LIN7A: variants seen among roughly 807,000 people sequenced by gnomAD.
LIN7A encodes the protein protein lin-7 homolog A.
A neutral mutation model predicts 29.8 loss-of-function variants in LIN7A; 25 were observed. The ratio of observed to expected loss-of-function variants is 0.84; its 90% CI spans 0.61 to 1.17. LIN7A has a LOEUF of 1.17. Among genes scored for constraint, LIN7A ranks in the 50% most tolerant of loss-of-function variants. LIN7A has a pLI of 0.00. For missense variants in LIN7A, 239 were observed against 287.0 expected (o/e 0.83, Z 1.21); for synonymous variants, 118 against 107.5 (o/e 1.10, Z -0.60).
chr12:80,865,848 T>C (rs2120450250), intron 2 of LIN7A, among the ~76,000 whole-genome samples: 1 of 152,318 alleles, frequency 6.6e-6, no homozygotes, highest in African/African-American at 2.4e-5. Flanking sequence ...AGTCAAAGAA[T>C]TGTTACCAGG....
intron 1 of LIN7A, chr12:80,937,315 A>G (rs1026607164): frequency 7.4e-6 from 2 of 270,402 alleles, no homozygotes; most frequent in East Asian, 6.5e-5. Flanking sequence ...CCTGGCGCCT[A>G]TAGCCGTCCC....
At chr12:80,912,012 C>CTAT (rs1565926146) in intron 1 of LIN7A, among the ~76,000 whole-genome samples, 2 of 151,686 alleles carry the variant, frequency 1.3e-5, no homozygotes, top group African/African-American at 4.8e-5. Context: ...ATTTATTTCT[C>CTAT]TATTAACAGA....
chr12:80,804,933 A>G (rs1001794178), intron 5 of LIN7A, among the ~76,000 whole-genome samples: 4 of 150,152 alleles, frequency 2.7e-5, no homozygotes, highest in African/African-American at 1.0e-4. Flanking sequence ...TCATCTGTTG[A>G]TGGACACTTA....
intron 4 of LIN7A, among the ~76,000 whole-genome samples, chr12:80,816,446 A>G: frequency 6.6e-6 from 1 of 151,244 alleles, no homozygotes. Context: ...ACTCACACAC[A>G]CACACTATTA....
chr12:80,822,718 C>A (rs1034971093), intron 4 of LIN7A, among the ~76,000 whole-genome samples: 1 of 152,076 alleles, frequency 6.6e-6, no homozygotes, highest in African/African-American at 2.4e-5. Flanking sequence ...GAAGGAAAGC[C>A]GAGGGGGCCT....
rs1266313429 is a variant in LIN7A at position 80,794,085 on chromosome 12, C to G, written c.*3642G>C. Reference sequence around the variant, plus strand: ...TTTTATATAGACTCAAAATATGGTTCTAACCATGAAACTTAGAAATCATAG... The same window carrying G: ...TTTTATATAGACTCAAAATATGGTTGTAACCATGAAACTTAGAAATCATAG... On this transcript the variant is annotated 3_prime_UTR_variant, in exon 6 of 6. Coordinates refer to ENST00000552864, the MANE Select transcript of LIN7A (RefSeq NM_004664.4). 6.6e-6 allele frequency: 1 copy of G among 152,114 alleles called. No homozygotes were observed. Among genetic ancestry groups the G allele is most frequent in the Non-Finnish European group, 1.5e-5 (1 of 68,006 alleles). 9.4% of individuals were successfully genotyped at this position (152,114 alleles called of 1,614,324 possible).
chr12:80,794,749 T>G lies in LIN7A; in HGVS notation c.*2978A>C, dbSNP rs753398417. On this transcript the variant is annotated 3_prime_UTR_variant, in exon 6 of 6. Transcript: ENST00000552864. ...ACTGGAGAATTCCCTATTGACTACATGATTGAGGAAACACAAAAGTCTGTT... is the reference window on the plus strand; with the variant it reads ...ACTGGAGAATTCCCTATTGACTACAGGATTGAGGAAACACAAAAGTCTGTT... The G allele has an allele frequency of 1.3e-5, 2 of 152,172 alleles. No homozygotes were observed. The highest frequency in any genetic ancestry group is 1.3e-4 in the Admixed American group (2 of 15,268). The allele number at this position is 152,172 out of a possible 1,614,324, so 9.4% of individuals were successfully genotyped here. A position where few individuals can be genotyped will look rare whatever the true frequency, so the allele number is the denominator to read the frequency against.
intron 1 of LIN7A, among the ~76,000 whole-genome samples, chr12:80,933,555 A>G (rs1878035456): frequency 6.6e-6 from 1 of 152,212 alleles, no homozygotes; most frequent in African/African-American, 2.4e-5. Flanking sequence ...TCTTCAGAGC[A>G]CTTCAAATTT....
chr12:80,895,245 C>G (rs1038059065), intron 1 of LIN7A, among the ~76,000 whole-genome samples: 16 of 151,998 alleles, frequency 1.1e-4, no homozygotes, highest in African/African-American at 3.9e-4. Flanking sequence ...CAAAAGACTT[C>G]CTTCAAAATA....
At chr12:80,850,911 T>G (rs1164378281) in intron 2 of LIN7A, among the ~76,000 whole-genome samples, 1 of 152,134 alleles carries the variant, frequency 6.6e-6, no homozygotes, top group East Asian at 1.9e-4. Context: ...TTTATATCCA[T>G]GAGCTCGGTT....
intron 4 of LIN7A, chr12:80,845,524 T>C (rs1357790465): frequency 4.6e-6 from 2 of 437,310 alleles, no homozygotes; most frequent in Non-Finnish European, 4.0e-6. Context: ...AACTCACTGA[T>C]ATTTATCATA....
intron 1 of LIN7A, among the ~76,000 whole-genome samples, chr12:80,899,483 T>C (rs1488209950): frequency 6.6e-6 from 1 of 152,186 alleles, no homozygotes; most frequent in African/African-American, 2.4e-5. Context: ...GGTATCAGAA[T>C]GATGCTGGCC....
Position 80,937,793 on chromosome 12 carries a change from G to T in LIN7A, c.-71C>A. 1.1e-6 allele frequency: 1 copy of T among 886,502 alleles called. No individual in the cohort carries two copies. The highest frequency in any genetic ancestry group is 3.7e-5 in the East Asian group (1 of 26,984). The allele number at this position is 886,502 out of a possible 1,614,324, so 54.9% of individuals were successfully genotyped here. A position where few individuals can be genotyped will look rare whatever the true frequency, so the allele number is the denominator to read the frequency against. On this transcript the variant is annotated 5_prime_UTR_variant, in exon 1 of 6. Coordinates refer to ENST00000552864, the MANE Select transcript of LIN7A (RefSeq NM_004664.4). ...GGGTGGAGAGGGAAGACGGAAAGGA[G>T]GGGGAGGAGGGGGAAGGAAGGAAGG... is the stretch of plus-strand genomic sequence containing the variant.
At chr12:80,926,270 T>C (rs991368196) in intron 1 of LIN7A, among the ~76,000 whole-genome samples, 1 of 152,236 alleles carries the variant, frequency 6.6e-6, no homozygotes, top group African/African-American at 2.4e-5. Flanking sequence ...CCTCCCTAAA[T>C]ATAGAGTAAA....
At chr12:80,810,782 A>T (rs1871250776) in intron 5 of LIN7A, among the ~76,000 whole-genome samples, 1 of 152,208 alleles carries the variant, frequency 6.6e-6, no homozygotes. Context: ...TAATAGCCAA[A>T]TTAAAAGGTA....
At chr12:80,842,979 T>G (rs1872891744) in intron 4 of LIN7A, among the ~76,000 whole-genome samples, 1 of 151,836 alleles carries the variant, frequency 6.6e-6, no homozygotes, top group Admixed American at 6.6e-5. Flanking sequence ...AGCATTAGAT[T>G]GGAAAGATAA....
chr12:80,917,364 C>G (rs1344888806), intron 1 of LIN7A, among the ~76,000 whole-genome samples: 4 of 152,136 alleles, frequency 2.6e-5, no homozygotes, highest in Non-Finnish European at 4.4e-5. Flanking sequence ...ATGACCAGAT[C>G]AATGTCTCAG....
chr12:80,803,542 C>A (rs1329990365), intron 5 of LIN7A, among the ~76,000 whole-genome samples: 2 of 152,116 alleles, frequency 1.3e-5, no homozygotes, highest in East Asian at 1.9e-4. Context: ...TTGTAATAGA[C>A]CCTGAGGTCA....
chr12:80,839,318 C>T (rs1319267711), intron 4 of LIN7A, among the ~76,000 whole-genome samples: 1 of 152,182 alleles, frequency 6.6e-6, no homozygotes, highest in Non-Finnish European at 1.5e-5. Flanking sequence ...GGGCAAGTTG[C>T]TTGATCTCTC....
Sources: gnomAD v4.1 joint callset for allele counts (sites outside exome capture counted in the v4.1 genomes callset) on GRCh38, gnomAD v4.1.1 for gene constraint, MANE v1.5 for transcripts, NCBI Gene and HGNC (gene_info 2026-07-23, HGNC 2026-07-21) for gene names.